Variants in NLRP5 observed in about 807,000 individuals in gnomAD.
NLRP5 encodes the protein NLR family pyrin domain containing 5.
NLRP5 carries 93 observed loss-of-function variants against 113.1 expected under a neutral mutation model. The ratio of observed to expected loss-of-function variants is 0.82; its 90% CI spans 0.70 to 0.98. The LOEUF (loss-of-function observed/expected upper bound fraction) is 0.98, where lower values mean the gene tolerates loss of function less well. Among genes scored for constraint, NLRP5 ranks in the 50% least tolerant of loss-of-function variants. NLRP5 has a pLI of 0.00. For missense variants in NLRP5, 1,808 were observed against 1,514.3 expected (o/e 1.19, Z -3.22); for synonymous variants, 751 against 600.7 (o/e 1.25, Z -3.66).
At chr19:56,005,517 TTTATACAC>T (rs1364016312) in intron 2 of NLRP5, among the ~76,000 whole-genome samples, 1 of 147,694 alleles carries the variant, frequency 6.8e-6, no homozygotes, top group Non-Finnish European at 1.5e-5. Flanking sequence ...CACATATATA[TTTATACAC>T]ACACACGCAC....
intron 8 of NLRP5, 26 bp from the exon 9 acceptor site, chr19:56,033,516 A>G (rs1983200849): frequency 5.7e-6 from 9 of 1,584,036 alleles, no homozygotes; most frequent in Middle Eastern, 1.7e-4. Context: ...ACCAGTGTCG[A>G]ATGTGTCTCC....
intron 7 of NLRP5, among the ~76,000 whole-genome samples, chr19:56,030,862 C>A (rs1285971913): frequency 6.6e-6 from 1 of 151,770 alleles, no homozygotes; most frequent in Non-Finnish European, 1.5e-5. Flanking sequence ...TACAGTTGCC[C>A]ACCACCACAC....
intron 12 of NLRP5, among the ~76,000 whole-genome samples, chr19:56,052,168 TTTTG>T (rs146368638): frequency 0.037 from 5,621 of 152,296 alleles, 133 homozygotes; most frequent in Admixed American, 0.066. Context: ...CCGTTTTTTC[TTTTG>T]TTTGTTTTTT....
At chr19:56,015,302 TCTC>T (rs766838077) in intron 3 of NLRP5, among the ~76,000 whole-genome samples, 3 of 152,122 alleles carry the variant, frequency 2.0e-5, no homozygotes, top group Non-Finnish European at 4.4e-5. Context: ...TTCAGGCAAT[TCTC>T]CTGCCTCAGC....
intron 4 of NLRP5, among the ~76,000 whole-genome samples, chr19:56,017,799 C>T (rs1393404173): frequency 1.3e-5 from 2 of 152,112 alleles, no homozygotes; most frequent in East Asian, 1.9e-4. Context: ...TGTGCCTGGT[C>T]GTTTACACCA....
At chr19:56,044,295 A>T (rs1983641541) in intron 11 of NLRP5, among the ~76,000 whole-genome samples, 2 of 149,956 alleles carry the variant, frequency 1.3e-5, no homozygotes, top group South Asian at 4.2e-4. Flanking sequence ...AACTCCTGAT[A>T]TGCCCACCTC....
At chr19:56,013,595 G>GTTTTTTTTTTTTTTTTTTTTTTTTTTTT (rs1418924718) in intron 3 of NLRP5, among the ~76,000 whole-genome samples, 3 of 30,984 alleles carry the variant, frequency 9.7e-5, no homozygotes, top group African/African-American at 1.9e-4. Flanking sequence ...TGGACATTTG[G>GTTTTTTTTTTTTTTTTTTTTTTTTTTTT]GTTTTTTTTT....
chr19:56,026,916 A>G lies in NLRP5; in HGVS notation c.683A>G (p.His228Arg), dbSNP rs928022237. 6 of 1,550,310 alleles carry G rather than the reference A, an allele frequency of 3.9e-6. No individual in the cohort carries two copies. The highest frequency in any genetic ancestry group is 3.9e-5 in the Admixed American group (2 of 50,938). ...ATTCTACCCTCTCTGACTCCAGGAC[A>G]TGGAGGTGACACATGGGACTACAAG... Residue 228 changes from histidine to arginine, a missense_variant, in exon 7 of 15, where the codon CAT (histidine) becomes CGT (arginine). Transcript: ENST00000390649.
At chr19:56,005,109 T>G (rs12460488) in intron 2 of NLRP5, among the ~76,000 whole-genome samples, 7 of 27,842 alleles carry the variant, frequency 2.5e-4, no homozygotes, top group African/African-American at 4.9e-4. Context: ...AAAAAAAAAA[T>G]ATATATATAT....
At position 56,061,658 on chromosome 19, in the gene NLRP5, C is replaced by T; in HGVS notation, c.*130C>T. The T allele has an allele frequency of 9.5e-7, 1 of 1,051,854 alleles. No individual in the cohort carries two copies. 65.2% of individuals were successfully genotyped at this position (1,051,854 alleles called of 1,614,324 possible). On this transcript the variant is annotated 3_prime_UTR_variant, in exon 15 of 15. Coordinates refer to ENST00000390649, the MANE Select transcript of NLRP5 (RefSeq NM_153447.4). Reference sequence around the variant, plus strand: ...AATGATTTCTGATTCTCACAAAGCCCTCAATGGTAGTGATTCTTCTGTGTT... The same window carrying T: ...AATGATTTCTGATTCTCACAAAGCCTTCAATGGTAGTGATTCTTCTGTGTT...
intron 9 of NLRP5, among the ~76,000 whole-genome samples, chr19:56,035,492 G>A (rs1983277817): frequency 6.6e-6 from 1 of 152,214 alleles, no homozygotes; most frequent in East Asian, 1.9e-4. Flanking sequence ...TGCACCACAA[G>A]TGCAGAGAGC....
intron 9 of NLRP5, among the ~76,000 whole-genome samples, chr19:56,036,220 C>T (rs553964): frequency 0.33 from 49,675 of 151,204 alleles, 9,608 homozygotes; most frequent in African/African-American, 0.53. Context: ...CCCGCCACCA[C>T]GCCCGGCTAA....
In NLRP5 at chr19:56,040,929, G is replaced by A. The variant is rs1295292825; in HGVS notation, c.2794G>A (p.Asp932Asn). The change falls in exon 11 of 15, where the codon GAC (aspartate) becomes AAC (asparagine). Residue 932 changes from aspartate to asparagine, a missense_variant. Transcript: ENST00000390649. ...GGGGCTCTCTTCTTGCAGACTGGAG[G>A]ACTGTGGCATCACAGCCACGGGTTG... The A allele has an allele frequency of 1.9e-6, 3 of 1,613,584 alleles. No individual in the cohort carries two copies. Among genetic ancestry groups the A allele is most frequent in the African/African-American group, 2.7e-5 (2 of 74,914 alleles).
intron 9 of NLRP5, 96 bp downstream of exon 9, chr19:56,033,805 A>T: frequency 8.8e-7 from 1 of 1,130,416 alleles, no homozygotes; most frequent in East Asian, 2.4e-5. Flanking sequence ...AGCTGCAAAG[A>T]TGGAAAAGTT....
In NLRP5 at chr19:56,057,056, A is replaced by G. The variant is rs527817652; in HGVS notation, c.3300-1184A>G. ...GAGGCTGAGTCAGGAGAATCACTTG[A>G]ACTGGGGAGGTGGAGGTCGCAGTGA... is the stretch of plus-strand genomic sequence containing the variant. On this transcript the variant is annotated intron_variant, in intron 13 of 14. Coordinates refer to ENST00000390649, the MANE Select transcript of NLRP5 (RefSeq NM_153447.4). 2.0e-5 allele frequency among the ~76,000 whole-genome samples: 3 copies of G among 152,240 alleles called. No individual in the cohort carries two copies. The East Asian group carries it at 5.8e-4, about 30-fold the overall frequency.
Position 56,058,410 on chromosome 19 carries a change from G to T in NLRP5, c.3470G>T (p.Gly1157Val). The T allele has an allele frequency of 1.9e-6, 3 of 1,609,602 alleles. No homozygotes were observed. Among genetic ancestry groups the T allele is most frequent in the Non-Finnish European group, 2.5e-6 (3 of 1,177,534 alleles). ...CCCACGTCTAACTTACAGATAATTG[G>T]GTAAGTCGCCAGCAATTGTCTTCTG... Residue 1157 changes from glycine to valine, a missense_variant and splice_region_variant, in exon 14 of 15, where the codon GGG becomes GTG. Gly to Val is a moderately radical substitution (Grantham distance 109). Transcript: ENST00000390649.
At chr19:56,024,432 CAT>C (rs1174241706) in intron 6 of NLRP5, among the ~76,000 whole-genome samples, 25 of 140,962 alleles carry the variant, frequency 1.8e-4, no homozygotes, top group South Asian at 6.5e-4. Flanking sequence ...TATATATACA[CAT>C]ATACATATAT....
At chr19:56,029,132 G>A (rs1042738080) in intron 7 of NLRP5, among the ~76,000 whole-genome samples, 8 of 152,148 alleles carry the variant, frequency 5.3e-5, no homozygotes, top group African/African-American at 1.9e-4. Context: ...GTCCAGTAGA[G>A]GGTTCTGTGA....
At chr19:56,016,428 C>G (rs745556920) in intron 4 of NLRP5, among the ~76,000 whole-genome samples, 22 of 152,196 alleles carry the variant, frequency 1.4e-4, no homozygotes, top group Non-Finnish European at 2.6e-4. Context: ...GCTGGGATTA[C>G]AAGCTTGAGC....
Sources: gnomAD v4.1 joint callset for allele counts (sites outside exome capture counted in the v4.1 genomes callset) on GRCh38, gnomAD v4.1.1 for gene constraint, MANE v1.5 for transcripts, NCBI Gene and HGNC (gene_info 2026-07-23, HGNC 2026-07-21) for gene names.